The following SCAMP1 variants were observed in gnomAD, a reference collection of about 807,000 sequenced individuals.
The protein encoded by SCAMP1 is secretory carrier-associated membrane protein 1.
In SCAMP1, 15 loss-of-function variants were observed where a neutral mutation model predicts 41.8. That is an observed-to-expected ratio of 0.36 (90% CI 0.24 to 0.55). The LOEUF (loss-of-function observed/expected upper bound fraction) is 0.55, where lower values mean the gene tolerates loss of function less well. Among genes scored for constraint, SCAMP1 ranks in the 20% least tolerant of loss-of-function variants. The probability of loss-of-function intolerance (pLI) is 0.86; values close to 1 mark genes in which losing one functional copy is unlikely to be tolerated. For synonymous variants in SCAMP1, 135 were observed against 136.8 expected (o/e 0.99, Z 0.09); for missense variants, 341 against 412.6 (o/e 0.83, Z 1.50).
In SCAMP1 at chr5:78,477,318, T is replaced by C. The variant is rs1176337823; in HGVS notation, c.*1650T>C. On this transcript the variant is annotated 3_prime_UTR_variant, in exon 9 of 9. Transcript: ENST00000621999. ...CAGGTATACTTGGAAGACATTTCTT[T>C]TATTCTTCAGCGTATGAATTTAAAG... The C allele has an allele frequency of 6.6e-6, 1 of 152,172 alleles. No homozygotes were observed. Among genetic ancestry groups the C allele is most frequent in the Non-Finnish European group, 1.5e-5 (1 of 67,988 alleles). 9.4% of individuals were successfully genotyped at this position (152,172 alleles called of 1,614,324 possible). A position where few individuals can be genotyped will look rare whatever the true frequency, so the allele number is the denominator to read the frequency against.
At position 78,480,014 on chromosome 5, in the gene SCAMP1, C is replaced by T. The variant is rs560142158; in HGVS notation, c.*4346C>T. On this transcript the variant is annotated 3_prime_UTR_variant, in exon 9 of 9. Transcript: ENST00000621999. ...TGAGCCGAGATCTCTCCACTGCACT[C>T]CAGCCTGGGCGACAGAGCGAGACTC... 1.3e-5 allele frequency among the ~76,000 whole-genome samples: 2 copies of T among 151,940 alleles called. No homozygotes were observed. Among genetic ancestry groups the T allele is most frequent in the South Asian group, 4.2e-4 (2 of 4,798 alleles).
intron 6 of SCAMP1, among the ~76,000 whole-genome samples, chr5:78,441,326 C>G (rs147227705): frequency 6.6e-6 from 1 of 152,132 alleles, no homozygotes; most frequent in African/African-American, 2.4e-5. Context: ...CCTATTTGGC[C>G]GTCTTCAAAC....
At chr5:78,455,083 T>A (rs879896551) in intron 7 of SCAMP1, among the ~76,000 whole-genome samples, 5 of 151,208 alleles carry the variant, frequency 3.3e-5, no homozygotes, top group Admixed American at 3.3e-4. Flanking sequence ...TTTTTTTCTT[T>A]ATTAGTCTTG....
chr5:78,447,627 A>C (rs1253749652), intron 6 of SCAMP1, among the ~76,000 whole-genome samples: 1 of 152,178 alleles, frequency 6.6e-6, no homozygotes, highest in Non-Finnish European at 1.5e-5. Context: ...TGAATGTAAA[A>C]CTGAAAATAG....
chr5:78,365,295 A>G (rs1375146134), intron 1 of SCAMP1, among the ~76,000 whole-genome samples: 1 of 151,816 alleles, frequency 6.6e-6, no homozygotes, highest in Non-Finnish European at 1.5e-5. Context: ...CAACATGGTG[A>G]AACCCCGTCT....
In SCAMP1 at chr5:78,386,033, C is replaced by A. The variant is rs370737820; in HGVS notation, c.58-2804C>A. On this transcript the variant is annotated intron_variant, in intron 1 of 8. Coordinates refer to ENST00000621999, the MANE Select transcript of SCAMP1 (RefSeq NM_004866.6). The stretch of plus-strand genomic sequence containing the variant: ...TTGACTTTTTGTCTTGATGACCTGT[C>A]TAGTGCTGTCAGTAGAGTATTGAAG... Among the ~76,000 whole-genome samples the A allele has an allele frequency of 2.0e-5, 3 of 152,214 alleles. No homozygotes were observed. The East Asian group carries it at 5.8e-4, about 29-fold the overall frequency.
chr5:78,417,271 A>G (rs1319129603), intron 4 of SCAMP1, among the ~76,000 whole-genome samples: 8 of 152,226 alleles, frequency 5.3e-5, no homozygotes, highest in Admixed American at 1.3e-4. Context: ...TAGTGATGCA[A>G]TGCAAAGCTA....
chr5:78,369,805 G>A (rs1165830122), intron 1 of SCAMP1, among the ~76,000 whole-genome samples: 1 of 152,196 alleles, frequency 6.6e-6, no homozygotes, highest in African/African-American at 2.4e-5. Flanking sequence ...TCAGAGACCA[G>A]CTATGCTCTG....
At position 78,391,887 on chromosome 5, in the gene SCAMP1, A is replaced by G. The variant is rs1156408554; in HGVS notation, c.135+2973A>G. On this transcript the variant is annotated intron_variant, in intron 2 of 8. Coordinates refer to ENST00000621999, the MANE Select transcript of SCAMP1 (RefSeq NM_004866.6). ...TCAGGCGTGGCGGCGCGCGCCTGCA[A>G]TCGCAGGCACTCGGCAGGCTGAGGC... 5.9e-5 allele frequency among the ~76,000 whole-genome samples: 9 copies of G among 152,320 alleles called. No individual in the cohort carries two copies. In the South Asian group the frequency reaches 1.5e-3, roughly 25 times the overall value.
chr5:78,460,400 C>T (rs1339067433), intron 8 of SCAMP1, among the ~76,000 whole-genome samples: 1 of 152,134 alleles, frequency 6.6e-6, no homozygotes, highest in Non-Finnish European at 1.5e-5. Context: ...ATTTTCTCTG[C>T]ATCCTTGCCA....
chr5:78,459,195 A>T, intron 7 of SCAMP1, 50 bp from the exon 8 acceptor site: 2 of 857,348 alleles, frequency 2.3e-6, no homozygotes, highest in Non-Finnish European at 3.9e-6. Flanking sequence ...TGCTATTTTT[A>T]AAAAGTTTAC....
At chr5:78,425,692 C>T (rs1001263640) in intron 6 of SCAMP1, among the ~76,000 whole-genome samples, 31 of 152,112 alleles carry the variant, frequency 2.0e-4, no homozygotes, top group African/African-American at 7.5e-4. Flanking sequence ...TCATATACTG[C>T]CATTCCTTGA....
chr5:78,385,091 G>T (rs1751310394), intron 1 of SCAMP1, among the ~76,000 whole-genome samples: 2 of 151,876 alleles, frequency 1.3e-5, no homozygotes, highest in Non-Finnish European at 2.9e-5. Context: ...ACTTTTTTTT[G>T]TTGGTAACTT....
At chr5:78,411,440 A>T (rs1752071996) in intron 2 of SCAMP1, among the ~76,000 whole-genome samples, 1 of 152,200 alleles carries the variant, frequency 6.6e-6, no homozygotes, top group South Asian at 2.1e-4. Flanking sequence ...TTAAAAATAC[A>T]AGAAAATGCT....
chr5:78,422,780 C>T (rs915224452), intron 6 of SCAMP1, among the ~76,000 whole-genome samples: 1 of 151,946 alleles, frequency 6.6e-6, no homozygotes, highest in Non-Finnish European at 1.5e-5. Context: ...AAATGATAGT[C>T]CTATATGGGT....
At chr5:78,411,769 T>C (rs1752082743) in intron 2 of SCAMP1, among the ~76,000 whole-genome samples, 1 of 152,168 alleles carries the variant, frequency 6.6e-6, no homozygotes, top group Non-Finnish European at 1.5e-5. Context: ...ATTATTTCCA[T>C]AGGATATTTT....
chr5:78,382,811 G>GTGTGTGTGTGTGTGTGTGTGTT (rs1189365616), intron 1 of SCAMP1, among the ~76,000 whole-genome samples: 3 of 69,272 alleles, frequency 4.3e-5, no homozygotes, highest in African/African-American at 1.2e-4. Context: ...GTGTGTGTGT[G>GTGTGTGTGTGTGTGTGTGTGTT]TGTGTGTGCG....
Position 78,459,356 on chromosome 5 carries a change from CA to C in SCAMP1, c.852del (p.Val285TyrfsTer23). On this transcript the variant is annotated frameshift_variant, in exon 8 of 9. Transcript: ENST00000621999. LOFTEE classifies it high-confidence loss of function. ...ASAVISLVMFKKVHGLYRTTG... is the reference protein window; with the variant it reads ...ASAVISLVMFXKVHGLYRTTG... The stretch of plus-strand genomic sequence containing the variant: ...CAGCAGTCATCTCACTAGTTATGTT[CA>C]AAAAAGTAAGTGAAATTTTATGTCT... The C allele has an allele frequency of 6.8e-7, 1 of 1,470,988 alleles. No homozygotes were observed. The highest frequency in any genetic ancestry group is 9.4e-7 in the Non-Finnish European group (1 of 1,059,142). The allele number at this position is 1,470,988 out of a possible 1,614,324, so 91.1% of individuals were successfully genotyped here. A position where few individuals can be genotyped will look rare whatever the true frequency, so the allele number is the denominator to read the frequency against.
rs757077971 is a variant in SCAMP1, at chr5:78,360,667, G to A, written c.-5G>A. ...GTCGGGTGGGTGACGCCGAGAGCCAGAGAGATGTCGGATTTCGACAGTAAC... is the reference window on the plus strand; with the variant it reads ...GTCGGGTGGGTGACGCCGAGAGCCAAAGAGATGTCGGATTTCGACAGTAAC... On this transcript the variant is annotated 5_prime_UTR_variant, in exon 1 of 9. Transcript: ENST00000621999. The A allele has an allele frequency of 1.9e-6, 3 of 1,608,764 alleles. No individual in the cohort carries two copies. Among genetic ancestry groups the A allele is most frequent in the African/African-American group, 2.7e-5 (2 of 74,702 alleles).
Sources: gnomAD v4.1 joint callset for allele counts (sites outside exome capture counted in the v4.1 genomes callset) on GRCh38, gnomAD v4.1.1 for gene constraint, MANE v1.5 for transcripts, NCBI Gene and HGNC (gene_info 2026-07-23, HGNC 2026-07-21) for gene names.